Variants in IL34 observed in about 807,000 individuals in gnomAD.
IL34 encodes interleukin-34.
Under a neutral mutation model 25.3 loss-of-function variants are expected in IL34, and 17 were observed. That is an observed-to-expected ratio of 0.67 (90% CI 0.46 to 1.01). The LOEUF (loss-of-function observed/expected upper bound fraction) is 1.01, where lower values mean the gene tolerates loss of function less well. Ranked by LOEUF, IL34 falls within the 50% of genes least tolerant of loss-of-function variation. The probability of loss-of-function intolerance (pLI) is 0.00; values close to 1 mark genes in which losing one functional copy is unlikely to be tolerated. For missense variants in IL34, 368 were observed against 312.9 expected (o/e 1.18, Z -1.33); for synonymous variants, 174 against 140.9 (o/e 1.23, Z -1.66).
upstream of IL34, among the ~76,000 whole-genome samples, chr16:70,642,001 A>G (rs2051795657): frequency 6.6e-6 from 1 of 152,248 alleles, no homozygotes; most frequent in African/African-American, 2.4e-5. Flanking sequence ...GACAATAAAA[A>G]GAGTAAAGTA....
chr16:70,632,455 G>T (rs1348209914), intron 1 of IL34, among the ~76,000 whole-genome samples: 1 of 152,218 alleles, frequency 6.6e-6, no homozygotes, highest in East Asian at 1.9e-4. Context: ...TGGAGCTGAA[G>T]ATTCCTTCAG....
chr16:70,607,672 G>T (rs547499524), intron 1 of IL34, among the ~76,000 whole-genome samples: 2 of 152,244 alleles, frequency 1.3e-5, no homozygotes, highest in African/African-American at 4.8e-5. Context: ...TGCATAATTG[G>T]CTGAGTGTTT....
chr16:70,589,604 A>G (rs1419819661), intron 1 of IL34, among the ~76,000 whole-genome samples: 1 of 147,688 alleles, frequency 6.8e-6, no homozygotes, highest in East Asian at 2.0e-4. Flanking sequence ...ATTTCACCTT[A>G]TGTGTTTTTT....
chr16:70,604,519 C>T (rs140010331), intron 1 of IL34, among the ~76,000 whole-genome samples: 3 of 152,342 alleles, frequency 2.0e-5, no homozygotes, highest in Non-Finnish European at 4.4e-5. Flanking sequence ...TAAGTCCCCA[C>T]AGCCCATCCT....
chr16:70,659,520 C>T lies in IL34; in HGVS notation c.403-98C>T, dbSNP rs79339508. On this transcript the variant is annotated intron_variant, in intron 4 of 5. Transcript: ENST00000288098. ...GTCACAGGAAGTCTGGTCCTTCTTCCGGGGTTTGGGCAGCTCCAGGTGACT... is the reference window on the plus strand; with the variant it reads ...GTCACAGGAAGTCTGGTCCTTCTTCTGGGGTTTGGGCAGCTCCAGGTGACT... The T allele has an allele frequency of 4.7e-3, 6,641 of 1,421,068 alleles. 50 individuals are homozygous for T. The highest frequency in any genetic ancestry group is 0.031 in the African/African-American group (2,152 of 70,246). The allele number at this position is 1,421,068 out of a possible 1,614,324, so 88.0% of individuals were successfully genotyped here. A position where few individuals can be genotyped will look rare whatever the true frequency, so the allele number is the denominator to read the frequency against.
intron 1 of IL34, among the ~76,000 whole-genome samples, chr16:70,632,831 G>A (rs1281360628): frequency 6.6e-6 from 1 of 152,048 alleles, no homozygotes. Flanking sequence ...TCTTTTGGGG[G>A]TTTTGTCTTA....
chr16:70,652,519 T>C (rs1032466906), intron 1 of IL34, among the ~76,000 whole-genome samples: 8 of 152,160 alleles, frequency 5.3e-5, no homozygotes, highest in Non-Finnish European at 7.4e-5. Context: ...TGAACACAGA[T>C]AGTGTTGAGT....
chr16:70,599,971 C>A (rs1186213367), intron 1 of IL34, among the ~76,000 whole-genome samples: 1 of 152,092 alleles, frequency 6.6e-6, no homozygotes, highest in Non-Finnish European at 1.5e-5. Context: ...TGAGTCATGG[C>A]ACCTGACCCT....
At chr16:70,601,796 C>T in intron 1 of IL34, among the ~76,000 whole-genome samples, 1 of 152,344 alleles carries the variant, frequency 6.6e-6, no homozygotes, top group Admixed American at 6.5e-5. Flanking sequence ...TCTTCCCTTA[C>T]CTGGGAGGGG....
chr16:70,612,720 G>A (rs1320418977), intron 1 of IL34, among the ~76,000 whole-genome samples: 1 of 152,158 alleles, frequency 6.6e-6, no homozygotes, highest in Non-Finnish European at 1.5e-5. Context: ...GGGCTCAGGA[G>A]GGATTCCTCA....
intron 1 of IL34, among the ~76,000 whole-genome samples, chr16:70,649,817 G>A (rs2151874751): frequency 1.3e-5 from 1 of 79,456 alleles, no homozygotes; most frequent in East Asian, 4.1e-4. Flanking sequence ...TTTATTTTTT[G>A]AGACGGAGTC....
At chr16:70,635,465 A>C (rs2051620011) in intron 1 of IL34, among the ~76,000 whole-genome samples, 1 of 152,138 alleles carries the variant, frequency 6.6e-6, no homozygotes, top group African/African-American at 2.4e-5. Flanking sequence ...ACCAGTGTGG[A>C]TGCTCCACAG....
intron 1 of IL34, among the ~76,000 whole-genome samples, chr16:70,652,569 C>G (rs576723278): frequency 9.8e-5 from 15 of 152,316 alleles, no homozygotes; most frequent in African/African-American, 3.6e-4. Context: ...TCTAATTGTT[C>G]TCATAGCACA....
chr16:70,638,195 G>T (rs1024992817), intron 1 of IL34, among the ~76,000 whole-genome samples: 2 of 152,162 alleles, frequency 1.3e-5, no homozygotes, highest in African/African-American at 4.8e-5. Context: ...ACTGGAATCA[G>T]ACTGGGCGCG....
intron 1 of IL34, among the ~76,000 whole-genome samples, chr16:70,650,380 A>G (rs1288447345): frequency 1.3e-5 from 2 of 152,170 alleles, no homozygotes; most frequent in Non-Finnish European, 2.9e-5. Flanking sequence ...ATCTGTGGAC[A>G]GGGTTTCCAG....
chr16:70,583,453 A>T (rs2050657392), intron 1 of IL34, among the ~76,000 whole-genome samples: 1 of 152,092 alleles, frequency 6.6e-6, no homozygotes. Flanking sequence ...GCTTCGAGGG[A>T]CGAAGCGAGT....
chr16:70,625,830 G>A (rs1367040805), intron 1 of IL34, among the ~76,000 whole-genome samples: 2 of 152,168 alleles, frequency 1.3e-5, no homozygotes, highest in Non-Finnish European at 2.9e-5. Flanking sequence ...GGGATAGTGA[G>A]GGAGATTGGA....
At chr16:70,656,728 G>T in intron 3 of IL34, 49 bp downstream of exon 3, 4 of 1,010,402 alleles carry the variant, frequency 4.0e-6, no homozygotes, top group Non-Finnish European at 6.4e-6. Context: ...TGCGACATCC[G>T]GTGGGCCCCA....
chr16:70,620,669 A>G (rs1476606204), intron 1 of IL34, among the ~76,000 whole-genome samples: 1 of 152,172 alleles, frequency 6.6e-6, no homozygotes, highest in Non-Finnish European at 1.5e-5. Context: ...GTGTAAAAGA[A>G]TGCCTGGACG....
Sources: gnomAD v4.1 joint callset for allele counts (sites outside exome capture counted in the v4.1 genomes callset) on GRCh38, gnomAD v4.1.1 for gene constraint, MANE v1.5 for transcripts, NCBI Gene and HGNC (gene_info 2026-07-23, HGNC 2026-07-21) for gene names.